The following SLC6A16 variants were observed in gnomAD, a reference collection of about 807,000 sequenced individuals.
The protein encoded by SLC6A16 is solute carrier family 6 member 16, also known as orphan sodium- and chloride-dependent neurotransmitter transporter NTT5.
In SLC6A16, 54 loss-of-function variants were observed where a neutral mutation model predicts 65.4. The observed-to-expected ratio is 0.83, with a 90% CI of 0.66 to 1.04. SLC6A16 has a LOEUF of 1.04. Ranked by LOEUF, SLC6A16 falls within the 50% of genes least tolerant of loss-of-function variation. The pLI is 0.00. For missense variants in SLC6A16, 816 were observed against 914.0 expected (o/e 0.89, Z 1.38); for synonymous variants, 330 against 346.5 (o/e 0.95, Z 0.53).
chr19:49,294,431 T>C lies in SLC6A16; in HGVS notation c.1352A>G (p.Gln451Arg), dbSNP rs777916062. 33 of 1,614,068 alleles carry C rather than the reference T, an allele frequency of 2.0e-5. No homozygotes were observed. The highest frequency in any genetic ancestry group is 1.9e-5 in the Non-Finnish European group (22 of 1,180,036). Residue 451 changes from glutamine to arginine, a missense_variant, in exon 8 of 12, where the codon CAG becomes CGG. Gln to Arg is a conservative substitution (Grantham distance 43). Transcript: ENST00000335875. ...GCGGAGAACCATGCTTTTGATGTGC[T>C]GGGGAAGGCCACTGAGCCAGGCATT... ...IYNAWLSGLP[Q>R]HIKSMVLREV...
At chr19:49,301,204 C>G (rs1172863964) in intron 7 of SLC6A16, among the ~76,000 whole-genome samples, 2 of 152,180 alleles carry the variant, frequency 1.3e-5, no homozygotes, top group Admixed American at 1.3e-4. Flanking sequence ...CCCCATCCCC[C>G]GAGCCAGCAC....
intron 1 of SLC6A16, among the ~76,000 whole-genome samples, chr19:49,314,149 A>C (rs927720838): frequency 2.6e-5 from 4 of 151,832 alleles, no homozygotes; most frequent in African/African-American, 9.7e-5. Context: ...AAAAATATGT[A>C]TTGATAAGTG....
rs528177174 is a variant in SLC6A16, at chr19:49,293,452, A to G, written c.1619-70T>C. 2.5e-5 allele frequency: 38 copies of G among 1,497,608 alleles called. No individual in the cohort carries two copies. In the African/African-American group the frequency reaches 4.8e-4, roughly 19 times the overall value. The allele number at this position is 1,497,608 out of a possible 1,614,324, so 92.8% of individuals were successfully genotyped here. On this transcript the variant is annotated intron_variant, in intron 9 of 11. Transcript: ENST00000335875. The stretch of plus-strand genomic sequence containing the variant: ...GGGTGACAAGGGCTAAGTAGAGGCC[A>G]TAGACCAGGGCTGGTGGCAGACCCA...
chr19:49,322,550 C>G (rs1171107054), intron 1 of SLC6A16, among the ~76,000 whole-genome samples: 2 of 150,002 alleles, frequency 1.3e-5, no homozygotes, highest in Non-Finnish European at 3.0e-5. Context: ...AGGAGAATCA[C>G]TTGAACCTGG....
At chr19:49,303,726 G>C (rs1463483982) in intron 7 of SLC6A16, among the ~76,000 whole-genome samples, 2 of 151,792 alleles carry the variant, frequency 1.3e-5, no homozygotes, top group African/African-American at 4.8e-5. Flanking sequence ...ACGCCCTTCA[G>C]TCATTTGATT....
intron 4 of SLC6A16, 64 bp downstream of exon 4, chr19:49,309,976 C>T: frequency 1.3e-6 from 2 of 1,570,104 alleles, no homozygotes; most frequent in South Asian, 1.1e-5. Context: ...TCTCCTATTC[C>T]AAATTCCCTT....
Position 49,290,024 on chromosome 19 carries a change from G to A in SLC6A16, c.*99C>T. On this transcript the variant is annotated 3_prime_UTR_variant, in exon 12 of 12. Coordinates refer to ENST00000335875, the MANE Select transcript of SLC6A16 (RefSeq NM_014037.3). ...GCCCCTCCTCTTGGAAATAAAAGTG[G>A]TTCTGGATCCAGGGAGATCAACAGT... The A allele has an allele frequency of 3.9e-6, 5 of 1,294,288 alleles. No homozygotes were observed. The highest frequency in any genetic ancestry group is 5.3e-6 in the Non-Finnish European group (5 of 935,368). 80.2% of individuals were successfully genotyped at this position (1,294,288 alleles called of 1,614,324 possible).
At chr19:49,331,249 C>T in the SLC6A16 span, among the ~76,000 whole-genome samples, 1 of 152,048 alleles carries the variant, frequency 6.6e-6, no homozygotes, top group African/African-American at 2.4e-5. Flanking sequence ...GGTGCAATCA[C>T]GGCTCACTGC....
chr19:49,336,663 G>T, the SLC6A16 span: 1 of 476,002 alleles, frequency 2.1e-6, no homozygotes, highest in Non-Finnish European at 3.8e-6. Flanking sequence ...TACTGGGGAC[G>T]AGGAGGAGCT....
At chr19:49,321,782 T>A (rs1243339974) in intron 1 of SLC6A16, among the ~76,000 whole-genome samples, 1 of 151,714 alleles carries the variant, frequency 6.6e-6, no homozygotes, top group Non-Finnish European at 1.5e-5. Flanking sequence ...ATTACCTGGG[T>A]GTGTTGATGT....
chr19:49,310,943 G>C lies in SLC6A16; in HGVS notation c.405C>G (p.Asn135Lys). Reference protein sequence around the residue: ...CLWRFAYLWLNSGGCSFAAIY... With the variant: ...CLWRFAYLWLKSGGCSFAAIY... ...GGTCCCCAGACTTACAGCCTCCACTGTTAAGCCACAGGTAGGCAAAGCGCC... is the reference window on the plus strand; with the variant it reads ...GGTCCCCAGACTTACAGCCTCCACTCTTAAGCCACAGGTAGGCAAAGCGCC... The change falls in exon 2 of 12, where the codon AAC (asparagine) becomes AAG (lysine). Residue 135 changes from asparagine to lysine, a missense_variant. Physicochemically the swap from Asn to Lys is moderately conservative, Grantham distance 94. Coordinates refer to ENST00000335875, the MANE Select transcript of SLC6A16 (RefSeq NM_014037.3). 1.2e-6 allele frequency: 2 copies of C among 1,612,936 alleles called. No homozygotes were observed. Among genetic ancestry groups the C allele is most frequent in the Non-Finnish European group, 1.7e-6 (2 of 1,179,150 alleles).
At chr19:49,324,302 G>C (rs1970763432) in intron 1 of SLC6A16, among the ~76,000 whole-genome samples, 1 of 152,172 alleles carries the variant, frequency 6.6e-6, no homozygotes, top group Non-Finnish European at 1.5e-5. Context: ...CTGCACTCCA[G>C]CCTGGGTGAC....
At chr19:49,335,506 T>G in the SLC6A16 span, 1 of 1,516,136 alleles carries the variant, frequency 6.6e-7, no homozygotes, top group Non-Finnish European at 9.2e-7. The surrounding 1 kb of genome is among the most constrained non-coding windows in gnomAD (Gnocchi z 4.6). Flanking sequence ...ACCTCTTCTG[T>G]GTGGTGAGTG....
chr19:49,336,754 A>C, the SLC6A16 span: 3 of 687,392 alleles, frequency 4.4e-6, no homozygotes, highest in Admixed American at 6.0e-5. Flanking sequence ...AGAAAGTTTC[A>C]GAAGGAAACA....
Position 49,290,198 on chromosome 19 carries a change from A to C in SLC6A16, c.2136T>G (p.Ser712Arg). 1.2e-6 allele frequency: 2 copies of C among 1,614,114 alleles called. No homozygotes were observed. Among genetic ancestry groups the C allele is most frequent in the Non-Finnish European group, 1.7e-6 (2 of 1,180,010 alleles). ...SLPLSHQLTP[S>R]KEVQKEEILQ... ...GAATTTCTTCCTTTTGAACCTCTTT[A>C]CTGGGTGTTAGCTGGTGACTTAGGG... The change falls in exon 12 of 12, where the codon AGT becomes AGG. Residue 712 changes from serine to arginine, a missense_variant. Transcript: ENST00000335875.
chr19:49,315,302 G>A (rs1362377565), intron 1 of SLC6A16, among the ~76,000 whole-genome samples: 1 of 152,194 alleles, frequency 6.6e-6, no homozygotes, highest in Non-Finnish European at 1.5e-5. Flanking sequence ...TTCTGCTCCA[G>A]TGAACCAACA....
At chr19:49,299,311 T>C (rs1158361867) in intron 7 of SLC6A16, among the ~76,000 whole-genome samples, 1 of 151,062 alleles carries the variant, frequency 6.6e-6, no homozygotes, top group African/African-American at 2.4e-5. Flanking sequence ...CCCAGCATTT[T>C]GGGAGGATGA....
the SLC6A16 span, among the ~76,000 whole-genome samples, chr19:49,333,270 C>T: frequency 8.2e-4 from 124 of 152,004 alleles, no homozygotes; most frequent in Non-Finnish European, 1.4e-3. Context: ...GTCAGGAGTT[C>T]GAGGTCAGCC....
intron 7 of SLC6A16, among the ~76,000 whole-genome samples, chr19:49,296,865 T>C (rs1159060631): frequency 1.3e-5 from 2 of 152,128 alleles, no homozygotes; most frequent in African/African-American, 4.8e-5. Flanking sequence ...GGCGGGCGCC[T>C]GTAGTCCCAG....
Sources: gnomAD v4.1 joint callset for allele counts (sites outside exome capture counted in the v4.1 genomes callset) on GRCh38, gnomAD v4.1.1 for gene constraint, Gnocchi (gnomAD v3.1) non-coding constraint, MANE v1.5 for transcripts, NCBI Gene and HGNC (gene_info 2026-07-23, HGNC 2026-07-21) for gene names.